Variants in SORCS1 observed in about 807,000 individuals in gnomAD.
SORCS1 encodes the protein sortilin related VPS10 domain containing receptor 1.
In SORCS1, 60 loss-of-function variants were observed where a neutral mutation model predicts 146.1. That is an observed-to-expected ratio of 0.41 (90% CI 0.33 to 0.51). The LOEUF (loss-of-function observed/expected upper bound fraction) is 0.51, where lower values mean the gene tolerates loss of function less well. SORCS1 is among the 20% of genes least tolerant of loss of function. The probability of loss-of-function intolerance (pLI) is 0.21; values close to 1 mark genes in which losing one functional copy is unlikely to be tolerated. For synonymous variants in SORCS1, 637 were observed against 584.0 expected, an observed-to-expected ratio of 1.09 and a Z score of -1.31; for missense variants, 1,352 against 1,487.6, an observed-to-expected ratio of 0.91 and a Z score of 1.50.
At chr10:106,915,911 G>A (rs772169307) in intron 2 of SORCS1, among the ~76,000 whole-genome samples, 9 of 152,166 alleles carry the variant, frequency 5.9e-5, no homozygotes, top group Non-Finnish European at 1.0e-4. Flanking sequence ...AGGAGCAATG[G>A]AAACTTCTAG....
At chr10:106,843,495 G>C (rs566607559) in intron 2 of SORCS1, among the ~76,000 whole-genome samples, 1 of 146,982 alleles carries the variant, frequency 6.8e-6, no homozygotes, top group Non-Finnish European at 1.5e-5. Context: ...GCAGTGGCGC[G>C]ATCTCGGCTC....
chr10:106,578,512 C>T, intron 25 of SORCS1: 2 of 274,054 alleles, frequency 7.3e-6, no homozygotes, highest in Non-Finnish European at 1.1e-5. Context: ...TGCCTCTTGT[C>T]CTCAATCTTA....
rs888306725 is a variant in SORCS1, at chr10:106,672,996, C to A, written c.1941-11G>T. ...AAGTGTCCAAACACTCTACAGAGTT[C>A]ATGGTGATAAAAATAATTACAATGA... On this transcript the variant is annotated splice_polypyrimidine_tract_variant and intron_variant, in intron 14 of 25. Transcript: ENST00000263054. 23 of 1,603,272 alleles carry A rather than the reference C, an allele frequency of 1.4e-5. No homozygotes were observed. Among genetic ancestry groups the A allele is most frequent in the Non-Finnish European group, 2.0e-5 (23 of 1,170,966 alleles).
At chr10:106,614,038 G>A (rs955462010) in intron 21 of SORCS1, among the ~76,000 whole-genome samples, 1 of 151,788 alleles carries the variant, frequency 6.6e-6, no homozygotes, top group Admixed American at 6.6e-5. Flanking sequence ...CACACTCAGC[G>A]CTATTTAAAT....
At chr10:106,586,312 C>T (rs1845233101) in intron 24 of SORCS1, among the ~76,000 whole-genome samples, 1 of 152,202 alleles carries the variant, frequency 6.6e-6, no homozygotes, top group Non-Finnish European at 1.5e-5. Context: ...CAGTCCTGAT[C>T]ACTCTAGGTA....
chr10:106,933,721 C>T (rs1159783733), intron 2 of SORCS1, among the ~76,000 whole-genome samples: 1 of 152,120 alleles, frequency 6.6e-6, no homozygotes, highest in Non-Finnish European at 1.5e-5. Flanking sequence ...ATAGCTAACA[C>T]CCACAGAGGA....
At chr10:106,780,579 T>G (rs1404036598) in intron 3 of SORCS1, among the ~76,000 whole-genome samples, 1 of 152,232 alleles carries the variant, frequency 6.6e-6, no homozygotes, top group African/African-American at 2.4e-5. Flanking sequence ...ATGAGTCCTT[T>G]TCATTCCTGC....
chr10:107,054,117 T>C (rs1462552730), intron 1 of SORCS1, among the ~76,000 whole-genome samples: 2 of 152,282 alleles, frequency 1.3e-5, no homozygotes, highest in East Asian at 3.9e-4. Context: ...CCGATTCAGA[T>C]AAAATTTATT....
intron 2 of SORCS1, among the ~76,000 whole-genome samples, chr10:106,890,426 A>G (rs1200569933): frequency 6.6e-6 from 1 of 152,226 alleles, no homozygotes; most frequent in Non-Finnish European, 1.5e-5. Context: ...TATACCTAGA[A>G]AGGGGAAAAT....
chr10:107,075,743 T>C (rs1298306647), intron 1 of SORCS1, among the ~76,000 whole-genome samples: 1 of 152,116 alleles, frequency 6.6e-6, no homozygotes, highest in African/African-American at 2.4e-5. Context: ...GGGAACTTAC[T>C]GAAACCTATT....
At chr10:107,037,849 C>T in intron 1 of SORCS1, among the ~76,000 whole-genome samples, 1 of 152,058 alleles carries the variant, frequency 6.6e-6, no homozygotes, top group East Asian at 1.9e-4. Context: ...TATTTTGAAA[C>T]TAGGACTCAC....
chr10:106,716,084 G>C (rs770958733), intron 6 of SORCS1, among the ~76,000 whole-genome samples: 1 of 151,994 alleles, frequency 6.6e-6, no homozygotes, highest in Non-Finnish European at 1.5e-5. Flanking sequence ...TTTTGTTTGG[G>C]TTAAAGATTT....
At chr10:106,696,084 C>T (rs2135715445) in intron 9 of SORCS1, among the ~76,000 whole-genome samples, 1 of 152,300 alleles carries the variant, frequency 6.6e-6, no homozygotes, top group African/African-American at 2.4e-5. Flanking sequence ...TTCACCTCTG[C>T]TAAAATAGCC....
intron 1 of SORCS1, among the ~76,000 whole-genome samples, chr10:107,019,752 T>A (rs1046404699): frequency 1.3e-5 from 2 of 152,256 alleles, no homozygotes; most frequent in Non-Finnish European, 2.9e-5. Context: ...CAGGTATCTG[T>A]CAGACGTGCA....
At position 106,629,268 on chromosome 10, in the gene SORCS1, G is replaced by A. The variant is rs776376944; in HGVS notation, c.2596C>T (p.Arg866Cys). ...KHVYQNVGIF[R>C]VTVQVDNSLG... ...CTGTTGTCCACCTGCACGGTCACAC[G>A]GAAAATGCCCACGTTCTGATAGACG... is the stretch of plus-strand genomic sequence containing the variant. The change falls in exon 19 of 26, where the codon CGT (arginine) becomes TGT (cysteine). Residue 866 changes from arginine (R) to cysteine (C), a missense_variant. Physicochemically the swap from Arg to Cys is radical, Grantham distance 180 (BLOSUM62 -3). Transcript: ENST00000263054. The A allele has an allele frequency of 3.7e-6, 6 of 1,613,936 alleles. No individual in the cohort carries two copies. The Admixed American group carries it at 8.3e-5, about 22-fold the overall frequency.
chr10:107,168,863 C>T (rs1299266288), upstream of SORCS1, among the ~76,000 whole-genome samples: 1 of 152,076 alleles, frequency 6.6e-6, no homozygotes, highest in Non-Finnish European at 1.5e-5. Context: ...CAACTAATAA[C>T]AGATAACACT....
chr10:106,986,563 A>C (rs1466894979), intron 1 of SORCS1, among the ~76,000 whole-genome samples: 1 of 143,902 alleles, frequency 6.9e-6, no homozygotes, highest in Non-Finnish European at 1.5e-5. Context: ...TGAGTGTGTA[A>C]CTTTTTTATA....
At position 106,790,163 on chromosome 10, in the gene SORCS1, C is replaced by G. The variant is rs188993190; in HGVS notation, c.727-13471G>C. 2.2e-3 allele frequency among the ~76,000 whole-genome samples: 331 copies of G among 152,324 alleles called. 4 individuals are homozygous for G. Among genetic ancestry groups the G allele is most frequent in the African/African-American group, 7.7e-3 (320 of 41,570 alleles). On this transcript the variant is annotated intron_variant, in intron 3 of 25. Transcript: ENST00000263054. Reference sequence around the variant, plus strand: ...CTTCTCAATTCATAAACAATTGATACTGGACTTAATTCCTTCAATTTGTTA... The same window carrying G: ...CTTCTCAATTCATAAACAATTGATAGTGGACTTAATTCCTTCAATTTGTTA...
At chr10:106,739,767 T>C (rs1369888978) in intron 5 of SORCS1, among the ~76,000 whole-genome samples, 2 of 151,716 alleles carry the variant, frequency 1.3e-5, no homozygotes, top group Non-Finnish European at 2.9e-5. Flanking sequence ...CTGGCTAATG[T>C]GGTGAAACCC....
Sources: gnomAD v4.1 joint callset for allele counts (sites outside exome capture counted in the v4.1 genomes callset) on GRCh38, gnomAD v4.1.1 for gene constraint, MANE v1.5 for transcripts, NCBI Gene and HGNC (gene_info 2026-07-23, HGNC 2026-07-21) for gene names.